The following HELLS variants were observed in gnomAD, a reference collection of about 807,000 sequenced individuals.
HELLS encodes the protein lymphoid-specific helicase.
HELLS carries 32 observed loss-of-function variants against 120.0 expected under a neutral mutation model. The ratio of observed to expected loss-of-function variants is 0.27; its 90% CI spans 0.20 to 0.36. The LOEUF (loss-of-function observed/expected upper bound fraction) is 0.36. Among genes scored for constraint, HELLS ranks in the 10% least tolerant of loss-of-function variants. HELLS has a pLI of 1.00. For synonymous variants in HELLS, 341 were observed against 323.4 expected, an observed-to-expected ratio of 1.05 and a Z score of -0.58; for missense variants, 650 against 993.4, an observed-to-expected ratio of 0.65 and a Z score of 4.65.
At chr10:94,597,454 T>G (rs1845794720) in intron 21 of HELLS, among the ~76,000 whole-genome samples, 1 of 152,198 alleles carries the variant, frequency 6.6e-6, no homozygotes, top group Non-Finnish European at 1.5e-5. Context: ...TTATTTCCAG[T>G]GAGCTAAGAT....
chr10:94,584,686 C>A (rs930511544), intron 12 of HELLS, among the ~76,000 whole-genome samples: 1 of 152,104 alleles, frequency 6.6e-6, no homozygotes, highest in African/African-American at 2.4e-5. Context: ...TAGAAATGAT[C>A]ATCTGCCTTT....
At chr10:94,586,600 C>T (rs1333290327) in intron 12 of HELLS, among the ~76,000 whole-genome samples, 1 of 152,036 alleles carries the variant, frequency 6.6e-6, no homozygotes, top group Non-Finnish European at 1.5e-5. Context: ...TGAAAATGAG[C>T]TTTATTATAT....
intron 8 of HELLS, among the ~76,000 whole-genome samples, chr10:94,607,668 A>G (rs1846142331): frequency 6.6e-6 from 1 of 152,198 alleles, no homozygotes; most frequent in Non-Finnish European, 1.5e-5. Context: ...ATCTTTCATC[A>G]ATGTCTTAGC....
At chr10:94,599,250 T>C (rs1845908911) in intron 21 of HELLS, among the ~76,000 whole-genome samples, 1 of 152,202 alleles carries the variant, frequency 6.6e-6, no homozygotes, top group Non-Finnish European at 1.5e-5. Flanking sequence ...GTAAGGACTG[T>C]TTAACATCTG....
At chr10:94,555,556 C>T (rs1015346530) in intron 3 of HELLS, among the ~76,000 whole-genome samples, 5 of 152,328 alleles carry the variant, frequency 3.3e-5, no homozygotes, top group Admixed American at 2.0e-4. Flanking sequence ...GGAAGCTCTG[C>T]GCTTCTTTCT....
chr10:94,591,398 A>G (rs1845481523), intron 15 of HELLS, among the ~76,000 whole-genome samples: 1 of 152,208 alleles, frequency 6.6e-6, no homozygotes, highest in South Asian at 2.1e-4. Flanking sequence ...TTTCTTGGGT[A>G]GTTGATAGAA....
intron 21 of HELLS, among the ~76,000 whole-genome samples, chr10:94,597,483 A>G (rs754558068): frequency 1.3e-5 from 2 of 152,164 alleles, no homozygotes; most frequent in Non-Finnish European, 2.9e-5. Flanking sequence ...ATAATGTTAT[A>G]AAGTGTCTTG....
At position 94,593,960 on chromosome 10, in the gene HELLS, C is replaced by T. The variant is rs527334878; in HGVS notation, c.2088+345C>T. ...ACAGGCTTGAGCCACCACACCCAGC[C>T]TCCATTCTGAATTTTTTTTTTTTTT... is the stretch of plus-strand genomic sequence containing the variant. On this transcript the variant is annotated intron_variant, in intron 18 of 21. Transcript: ENST00000348459. Among the ~76,000 whole-genome samples, 463 of 150,332 alleles carry T rather than the reference C, an allele frequency of 3.1e-3. 3 individuals are homozygous for T. The highest frequency in any genetic ancestry group is 0.011 in the African/African-American group (437 of 40,910).
chr10:94,585,825 A>T (rs907064732), intron 12 of HELLS, among the ~76,000 whole-genome samples: 5 of 152,024 alleles, frequency 3.3e-5, no homozygotes, highest in African/African-American at 1.2e-4. Flanking sequence ...CTCCTGCCTC[A>T]GCCTTCTGAG....
At chr10:94,547,039 A>G (rs1017600583) in intron 2 of HELLS, among the ~76,000 whole-genome samples, 6 of 152,184 alleles carry the variant, frequency 3.9e-5, no homozygotes, top group African/African-American at 1.2e-4. Context: ...GTATTGCTAC[A>G]TAAGATTCTT....
At chr10:94,551,457 A>G (rs1842977000) in intron 2 of HELLS, among the ~76,000 whole-genome samples, 1 of 151,800 alleles carries the variant, frequency 6.6e-6, no homozygotes. Flanking sequence ...TCCCAGCTAT[A>G]CTGGGGAGGC....
At chr10:94,576,555 A>G in intron 9 of HELLS, 107 bp from the exon 10 acceptor site, 1 of 592,824 alleles carries the variant, frequency 1.7e-6, no homozygotes, top group South Asian at 5.0e-5. Context: ...TAGAAATAAA[A>G]TTTTTTAAAA....
chr10:94,585,983 T>C (rs1169976691), intron 12 of HELLS, among the ~76,000 whole-genome samples: 1 of 152,220 alleles, frequency 6.6e-6, no homozygotes, highest in Non-Finnish European at 1.5e-5. Context: ...TTCAGCGGTA[T>C]AGTGTGCCTC....
At chr10:94,558,110 T>C in intron 3 of HELLS, 29 bp from the exon 4 acceptor site, 11 of 1,553,928 alleles carry the variant, frequency 7.1e-6, no homozygotes, top group East Asian at 2.3e-5. Flanking sequence ...CACTTTCCAC[T>C]TGTGACATAA....
chr10:94,584,116 C>A, intron 12 of HELLS: 1 of 1,351,760 alleles, frequency 7.4e-7, no homozygotes, highest in Non-Finnish European at 9.7e-7. Flanking sequence ...AGCTTCATAC[C>A]AATTTTGAGG....
At position 94,594,788 on chromosome 10, in the gene HELLS, A is replaced by G. The variant is rs116043383; in HGVS notation, c.2182A>G (p.Ile728Val). 584 of 1,613,696 alleles carry G rather than the reference A, an allele frequency of 3.6e-4. 4 individuals carry two copies. The African/African-American group carries it at 6.4e-3, about 18-fold the overall frequency. Reference protein sequence around the residue: ...VVYRLVTANTIDQKIVERAAA... With the variant: ...VVYRLVTANTVDQKIVERAAA... ...TTATCGCCTTGTTACAGCAAATACT[A>G]TCGATCAGAAAATTGTGGAAAGAGC... is the stretch of plus-strand genomic sequence containing the variant. The change falls in exon 19 of 22, where the codon ATC becomes GTC. Residue 728 changes from isoleucine to valine, a missense_variant. Around this residue, in one of 9 missense-constraint regions of HELLS, gnomAD observed 22 missense variants for 78.2 expected, o/e 0.28. Transcript: ENST00000348459.
rs1280797485 is a variant in HELLS, at chr10:94,581,313, A to G, written c.1033-13A>G. ...CATTGTTTAAAAATCTTTTTCCTCA[A>G]TTCGTTTTCTAGCATTGCTATTGGA... On this transcript the variant is annotated splice_polypyrimidine_tract_variant and intron_variant, in intron 10 of 21. Coordinates refer to ENST00000348459, the MANE Select transcript of HELLS (RefSeq NM_018063.5). 1 of 1,486,260 alleles carries G rather than the reference A, an allele frequency of 6.7e-7. No homozygotes were observed. Among genetic ancestry groups the G allele is most frequent in the Non-Finnish European group, 9.0e-7 (1 of 1,105,292 alleles). 92.1% of individuals were successfully genotyped at this position (1,486,260 alleles called of 1,614,324 possible).
At position 94,558,132 on chromosome 10, in the gene HELLS, C is replaced by T; in HGVS notation, c.277-7C>T. 6.4e-7 allele frequency: 1 copy of T among 1,552,086 alleles called. No homozygotes were observed. Among genetic ancestry groups the T allele is most frequent in the Non-Finnish European group, 8.6e-7 (1 of 1,159,008 alleles). On this transcript the variant is annotated splice_region_variant and splice_polypyrimidine_tract_variant and intron_variant, in intron 3 of 21. Coordinates refer to ENST00000348459, the MANE Select transcript of HELLS (RefSeq NM_018063.5). ...CACTTGTGACATAAGAAAAAATTGT[C>T]TTACAGGAACAGAAGAAGAAAGAAA...
In HELLS at chr10:94,546,346, A is replaced by C. The variant is rs775359010; in HGVS notation, c.32-31A>C. On this transcript the variant is annotated intron_variant, in intron 1 of 21. Transcript: ENST00000348459. ...TTGAGTAGTTGGTAATTTTTTTAAA[A>C]CTGCAATTTGAAAGCTTTCTCCCCC... is the stretch of plus-strand genomic sequence containing the variant. 92 of 1,613,334 alleles carry C rather than the reference A, an allele frequency of 5.7e-5. 2 individuals are homozygous for C. The South Asian group carries it at 1.0e-3, about 18-fold the overall frequency.
Sources: gnomAD v4.1 joint callset for allele counts (sites outside exome capture counted in the v4.1 genomes callset) on GRCh38, gnomAD v4.1.1 for gene constraint, gnomAD v4.1.1 regional missense constraint, MANE v1.5 for transcripts, NCBI Gene and HGNC (gene_info 2026-07-23, HGNC 2026-07-21) for gene names.